Variants in ZFAND6 observed in about 807,000 individuals in gnomAD.
The protein encoded by ZFAND6 is AN1-type zinc finger protein 6.
ZFAND6 carries 12 observed loss-of-function variants against 24.5 expected under a neutral mutation model. The ratio of observed to expected loss-of-function variants is 0.49; its 90% CI spans 0.31 to 0.79. The LOEUF is 0.79. ZFAND6 is among the 30% of genes least tolerant of loss of function. The pLI is 0.04. For synonymous variants in ZFAND6, 92 were observed against 81.5 expected, an observed-to-expected ratio of 1.13 and a Z score of -0.69; for missense variants, 207 against 245.9, an observed-to-expected ratio of 0.84 and a Z score of 1.06.
intron 1 of ZFAND6, among the ~76,000 whole-genome samples, chr15:80,082,493 A>G (rs1166191793): frequency 6.6e-6 from 1 of 152,220 alleles, no homozygotes; most frequent in Non-Finnish European, 1.5e-5. Flanking sequence ...AGGTTTACTT[A>G]GAGAGGGAAG....
intron 2 of ZFAND6, chr15:80,112,649 G>A (rs2039668207): frequency 2.6e-5 from 10 of 383,954 alleles, no homozygotes; most frequent in South Asian, 1.2e-4. Context: ...GCCTGCCTTG[G>A]CCACCCAAAG....
intron 2 of ZFAND6, among the ~76,000 whole-genome samples, chr15:80,102,506 T>C (rs1455496211): frequency 2.0e-5 from 3 of 152,244 alleles, no homozygotes; most frequent in African/African-American, 7.2e-5. Context: ...CAGATTAAAG[T>C]GAGCCATCTG....
chr15:80,120,009 C>A (rs2040077362), intron 2 of ZFAND6, among the ~76,000 whole-genome samples: 1 of 152,192 alleles, frequency 6.6e-6, no homozygotes, highest in Admixed American at 6.5e-5. Context: ...AGGGTCCAAA[C>A]TGAGCTAGAC....
At chr15:80,105,100 C>G (rs74025985) in intron 2 of ZFAND6, among the ~76,000 whole-genome samples, 1 of 152,300 alleles carries the variant, frequency 6.6e-6, no homozygotes, top group African/African-American at 2.4e-5. Context: ...TTCCCACTAT[C>G]CTGTAGTCTA....
chr15:80,127,933 C>T (rs959813223), intron 5 of ZFAND6, among the ~76,000 whole-genome samples: 11 of 152,014 alleles, frequency 7.2e-5, no homozygotes, highest in African/African-American at 2.4e-4. Context: ...ATAGAAACTA[C>T]TGAGATGGCT....
At chr15:80,127,159 T>C (rs2040402145) in intron 5 of ZFAND6, among the ~76,000 whole-genome samples, 1 of 152,070 alleles carries the variant, frequency 6.6e-6, no homozygotes, top group Non-Finnish European at 1.5e-5. Flanking sequence ...AAAAATACTT[T>C]GAAATCATAT....
chr15:80,092,420 AG>A (rs1423613122), intron 1 of ZFAND6, among the ~76,000 whole-genome samples: 1 of 152,144 alleles, frequency 6.6e-6, no homozygotes, highest in Non-Finnish European at 1.5e-5. Flanking sequence ...CGGGCGACAG[AG>A]TGAGACTCTG....
intron 1 of ZFAND6, among the ~76,000 whole-genome samples, chr15:80,085,229 G>A (rs12914832): frequency 0.68 from 103,110 of 151,990 alleles, 35,354 homozygotes; most frequent in Admixed American, 0.78. Flanking sequence ...GTTCTTTCAC[G>A]TTCATTTAGA....
chr15:80,135,906 C>G (rs1311126698), intron 6 of ZFAND6, among the ~76,000 whole-genome samples: 2 of 152,262 alleles, frequency 1.3e-5, no homozygotes, highest in East Asian at 3.9e-4. Flanking sequence ...GGAGGATCAC[C>G]TGAGGCCAGG....
intron 2 of ZFAND6, among the ~76,000 whole-genome samples, chr15:80,101,791 GTTTTTTT>G (rs750632508): frequency 2.4e-5 from 3 of 123,108 alleles, no homozygotes; most frequent in South Asian, 2.7e-4. Flanking sequence ...TATGTAAAGT[GTTTTTTT>G]TTTTTTTTTT....
At chr15:80,096,563 C>A (rs60204109) in intron 1 of ZFAND6, among the ~76,000 whole-genome samples, 15 of 152,306 alleles carry the variant, frequency 9.8e-5, no homozygotes, top group African/African-American at 2.2e-4. Flanking sequence ...TCATCTCTTA[C>A]AGCATAGCAA....
At chr15:80,080,766 CAATCACTGCGG>C (rs2037616241) in intron 1 of ZFAND6, among the ~76,000 whole-genome samples, 1 of 152,218 alleles carries the variant, frequency 6.6e-6, no homozygotes, top group South Asian at 2.1e-4. Flanking sequence ...AGGAAGCTTA[CAATCACTGCGG>C]AAGCAAAGAG....
intron 1 of ZFAND6, among the ~76,000 whole-genome samples, chr15:80,090,083 TTGTC>T (rs1567064987): frequency 2.6e-5 from 4 of 152,218 alleles, no homozygotes; most frequent in Non-Finnish European, 5.9e-5. Flanking sequence ...ACTTGTTAAT[TTGTC>T]TGTTTTCCTG....
intron 1 of ZFAND6, among the ~76,000 whole-genome samples, chr15:80,065,591 G>A (rs2036589185): frequency 7.1e-6 from 1 of 141,236 alleles, no homozygotes; most frequent in Non-Finnish European, 1.5e-5. Context: ...TGTTGCCCAG[G>A]CTGGAGTGTG....
At chr15:80,131,600 T>G (rs921417090) in intron 6 of ZFAND6, 10 of 384,772 alleles carry the variant, frequency 2.6e-5, no homozygotes, top group Non-Finnish European at 3.7e-5. Flanking sequence ...GAGAATATTT[T>G]GAAGTACTTG....
At chr15:80,116,175 A>C (rs1356426539) in intron 2 of ZFAND6, among the ~76,000 whole-genome samples, 4 of 146,902 alleles carry the variant, frequency 2.7e-5, no homozygotes, top group African/African-American at 1.0e-4. Flanking sequence ...CTGTTTATGT[A>C]TTTTATGTAT....
At chr15:80,091,098 C>T (rs2038331081) in intron 1 of ZFAND6, among the ~76,000 whole-genome samples, 1 of 151,764 alleles carries the variant, frequency 6.6e-6, no homozygotes, top group Non-Finnish European at 1.5e-5. Flanking sequence ...GAGAAGTTGC[C>T]AAAGGAAATT....
chr15:80,072,466 A>G (rs2037033850), intron 1 of ZFAND6: 1 of 152,092 alleles, frequency 6.6e-6, no homozygotes, highest in African/African-American at 2.4e-5. Flanking sequence ...TCTTTAAAAT[A>G]ATGGATATTA....
At chr15:80,110,052 A>T (rs372007328) in intron 2 of ZFAND6, among the ~76,000 whole-genome samples, 1 of 152,208 alleles carries the variant, frequency 6.6e-6, no homozygotes, top group Non-Finnish European at 1.5e-5. Context: ...TACTCGTCAC[A>T]TGAGCCTTTC....
Sources: allele counts gnomAD v4.1 joint callset (sites outside exome capture counted in the v4.1 genomes callset), GRCh38; gene constraint gnomAD v4.1.1; transcripts MANE v1.5; gene names NCBI Gene and HGNC (gene_info 2026-07-23, HGNC 2026-07-21).